Variants in VPS18 observed in about 807,000 individuals in gnomAD.
VPS18 encodes vacuolar protein sorting-associated protein 18 homolog.
A neutral mutation model predicts 82.0 loss-of-function variants in VPS18; 25 were observed. The ratio of observed to expected loss-of-function variants is 0.30; its 90% CI spans 0.22 to 0.43. VPS18 has a LOEUF of 0.43. Ranked by LOEUF, VPS18 falls within the 20% of genes least tolerant of loss-of-function variation. The pLI is 1.00. For synonymous variants in VPS18, 523 were observed against 543.0 expected (o/e 0.96, Z 0.51); for missense variants, 1,168 against 1,311.1 (o/e 0.89, Z 1.69).
In VPS18 at chr15:40,900,368, G is replaced by A. The variant is rs780922128; in HGVS notation, c.1550G>A (p.Arg517Gln). The change falls in exon 4 of 5, where the codon CGA (arginine) becomes CAA (glutamine). Residue 517 changes from arginine to glutamine, a missense_variant. Physicochemically the swap from Arg to Gln is conservative, Grantham distance 43 (BLOSUM62 1). Transcript: ENST00000220509. The surrounding 1 kb of genome is among the most constrained non-coding windows in gnomAD (Gnocchi z 5.4). ...QGDPEALTLY[R>Q]ETKECFRTFL... The stretch of plus-strand genomic sequence containing the variant: ...GACCCAGAGGCCCTGACTCTCTACC[G>A]AGAAACCAAGGAATGCTTTCGAACC... 3.1e-6 allele frequency: 5 copies of A among 1,613,416 alleles called. No individual in the cohort carries two copies. Among genetic ancestry groups the A allele is most frequent in the East Asian group, 2.2e-5 (1 of 44,892 alleles).
chr15:40,896,176 C>T, intron 2 of VPS18, 97 bp downstream of exon 2: 2 of 1,529,410 alleles, frequency 1.3e-6, no homozygotes, highest in Non-Finnish European at 1.8e-6. Context: ...GCAAGTAAAG[C>T]AGTGAATTTG....
chr15:40,900,431 C>T lies in VPS18; in HGVS notation c.1613C>T (p.Ala538Val). ...CCCCGCCACAAAGAGTGGCTCTTTG[C>T]CAGCCGGGCCTCTATCCATGAGCTG... ...SSPRHKEWLF[A>V]SRASIHELLA... The change falls in exon 4 of 5, where the codon GCC becomes GTC. Residue 538 changes from alanine (A) to valine (V), a missense_variant. Around this residue, in one of 3 missense-constraint regions of VPS18, gnomAD observed 868 missense variants for 939.8 expected, o/e 0.92. Transcript: ENST00000220509. This position sits in a 1 kb window ranked among gnomAD's most constrained non-coding sequence, Gnocchi z 5.4. 6.2e-7 allele frequency: 1 copy of T among 1,613,990 alleles called. No homozygotes were observed. Among genetic ancestry groups the T allele is most frequent in the Non-Finnish European group, 8.5e-7 (1 of 1,180,002 alleles).
rs1361634453 is a variant in VPS18 at position 40,903,092 on chromosome 15, G to A, written c.2673G>A (p.Lys891=). 6.2e-7 allele frequency: 1 copy of A among 1,613,460 alleles called. No homozygotes were observed. The highest frequency in any genetic ancestry group is 8.5e-7 in the Non-Finnish European group (1 of 1,179,578). The change falls in exon 5 of 5, where the codon AAG becomes AAA. Residue 891 remains lysine, a synonymous_variant. Transcript: ENST00000220509. ...QAVRPGLPAY[K]QARLEELQRK... is the part of the protein sequence containing the mutation. ...TGCGACCTGGCCTGCCAGCCTACAA[G>A]CAGGCCCGGCTGGAGGAGCTGCAGA...
chr15:40,897,050 C>G (rs565683796), intron 2 of VPS18, among the ~76,000 whole-genome samples: 2 of 152,074 alleles, frequency 1.3e-5, no homozygotes, highest in Admixed American at 1.3e-4. Flanking sequence ...AATCCCAGCA[C>G]TTTGGGAGGC....
At position 40,903,127 on chromosome 15, in the gene VPS18, G is replaced by A. The variant is rs779935389; in HGVS notation, c.2708G>A (p.Gly903Glu). Residue 903 changes from glycine to glutamate, a missense_variant, in exon 5 of 5, where the codon GGG (glycine) becomes GAG (glutamate). Coordinates refer to ENST00000220509, the MANE Select transcript of VPS18 (RefSeq NM_020857.3). ...CTGGAGGAGCTGCAGAGGAAGCTGG[G>A]GGCTGCTCCACCCCCAGCCAAGGGC... ...ARLEELQRKL[G>E]AAPPPAKGSA... 6.2e-7 allele frequency: 1 copy of A among 1,610,532 alleles called. No individual in the cohort carries two copies. Among genetic ancestry groups the A allele is most frequent in the South Asian group, 1.1e-5 (1 of 90,802 alleles).
Position 40,899,872 on chromosome 15 carries a change from C to G in VPS18, c.1054C>G (p.Gln352Glu). 1.2e-6 allele frequency: 2 copies of G among 1,609,096 alleles called. No individual in the cohort carries two copies. Among genetic ancestry groups the G allele is most frequent in the Non-Finnish European group, 1.7e-6 (2 of 1,180,008 alleles). Residue 352 changes from glutamine to glutamate, a missense_variant, in exon 4 of 5, where the codon CAG (glutamine) becomes GAG (glutamate). Physicochemically the swap from Gln to Glu is conservative, Grantham distance 29. This residue lies in a region of VPS18 where 868 missense variants were observed against 939.8 expected (regional missense o/e 0.92). Coordinates refer to ENST00000220509, the MANE Select transcript of VPS18 (RefSeq NM_020857.3). The surrounding 1 kb of genome is among the most constrained non-coding windows in gnomAD (Gnocchi z 4.4). Reference protein sequence around the residue: ...RVEAVCTLTGQVVLRDHFLEK... With the variant: ...RVEAVCTLTGEVVLRDHFLEK... ...GGAGGCAGTGTGCACACTGACCGGGCAGGTGGTGCTGCGGGATCACTTCCT... is the reference window on the plus strand; with the variant it reads ...GGAGGCAGTGTGCACACTGACCGGGGAGGTGGTGCTGCGGGATCACTTCCT...
chr15:40,894,556 G>C lies in VPS18; in HGVS notation c.-213G>C. The stretch of plus-strand genomic sequence containing the variant: ...GGGAGTAAGGTGCAAGACTGCGCCA[G>C]ATTCAAGGACGAGGGCTGCCCGATT... On this transcript the variant is annotated 5_prime_UTR_variant, in exon 1 of 5. Coordinates refer to ENST00000220509, the MANE Select transcript of VPS18 (RefSeq NM_020857.3). The C allele has an allele frequency of 2.0e-6, 1 of 488,582 alleles. No homozygotes were observed. The highest frequency in any genetic ancestry group is 3.6e-6 in the Non-Finnish European group (1 of 276,228). The allele number at this position is 488,582 out of a possible 1,614,324, so 30.3% of individuals were successfully genotyped here. A position where few individuals can be genotyped will look rare whatever the true frequency, so the allele number is the denominator to read the frequency against.
At chr15:40,898,670 G>T (rs1046983555) in intron 2 of VPS18, 5 of 548,040 alleles carry the variant, frequency 9.1e-6, no homozygotes, top group South Asian at 7.9e-5. Context: ...ATGGGATTTC[G>T]CCATGTTGCC....
In VPS18 at chr15:40,899,642, C is replaced by T. The variant is rs369399055; in HGVS notation, c.824C>T (p.Pro275Leu). The change falls in exon 4 of 5, where the codon CCC becomes CTC. Residue 275 changes from proline to leucine, a missense_variant. Physicochemically the swap from Pro to Leu is moderately conservative, Grantham distance 98. Coordinates refer to ENST00000220509, the MANE Select transcript of VPS18 (RefSeq NM_020857.3). This position sits in a 1 kb window ranked among gnomAD's most constrained non-coding sequence, Gnocchi z 4.4. ...TACAGTGAGTTGGCCTTCTACACCC[C>T]CAAGCTGCGCTCCGCACCCCGGGCC... is the stretch of plus-strand genomic sequence containing the variant. ...LGYSELAFYTPKLRSAPRAFA... is the reference protein window; with the variant it reads ...LGYSELAFYTLKLRSAPRAFA... 6.8e-6 allele frequency: 11 copies of T among 1,612,858 alleles called. No homozygotes were observed. The highest frequency in any genetic ancestry group is 1.6e-4 in the Middle Eastern group (1 of 6,062).
chr15:40,894,676 T>G lies in VPS18; in HGVS notation c.-93T>G, dbSNP rs1596172496. 1 of 1,263,996 alleles carries G rather than the reference T, an allele frequency of 7.9e-7. No individual in the cohort carries two copies. The highest frequency in any genetic ancestry group is 1.1e-6 in the Non-Finnish European group (1 of 931,590). 78.3% of individuals were successfully genotyped at this position (1,263,996 alleles called of 1,614,324 possible). A position where few individuals can be genotyped will look rare whatever the true frequency, so the allele number is the denominator to read the frequency against. The stretch of plus-strand genomic sequence containing the variant: ...CCAGGATCTGTCAGAGGCTGGGGAG[T>G]TACAGCTTCCATTCTGGGGCGACGG... On this transcript the variant is annotated 5_prime_UTR_variant, in exon 1 of 5. Transcript: ENST00000220509.
Position 40,900,651 on chromosome 15 carries a change from A to G in VPS18, c.1833A>G (p.Val611=). The change falls in exon 4 of 5, where the codon GTA becomes GTG. Residue 611 remains valine, a synonymous_variant. Coordinates refer to ENST00000220509, the MANE Select transcript of VPS18 (RefSeq NM_020857.3). This position sits in a 1 kb window ranked among gnomAD's most constrained non-coding sequence, Gnocchi z 5.4. ...TCCGTCACATCCCCCGCCAGCTTGT[A>G]GATGCCTGGATTGAGATGGGCAGCC... ...ILIRHIPRQL[V]DAWIEMGSRL... is the part of the protein sequence containing the mutation. The G allele has an allele frequency of 6.2e-7, 1 of 1,614,098 alleles. No individual in the cohort carries two copies. The highest frequency in any genetic ancestry group is 8.5e-7 in the Non-Finnish European group (1 of 1,180,034).
chr15:40,903,629 C>CGAGA lies in VPS18; in HGVS notation c.*288_*289insGAGA. 3.0e-6 allele frequency: 1 copy of CGAGA among 327,904 alleles called. No homozygotes were observed. Among genetic ancestry groups the CGAGA allele is most frequent in the South Asian group, 7.6e-5 (1 of 13,214 alleles). The allele number at this position is 327,904 out of a possible 1,614,324, so 20.3% of individuals were successfully genotyped here. ...AATCTGACCCAATTCCACCCCCTGC[C>CGAGA]TCTAGCACCTCTTCTGTCCCTGTCA... On this transcript the variant is annotated 3_prime_UTR_variant, in exon 5 of 5. Coordinates refer to ENST00000220509, the MANE Select transcript of VPS18 (RefSeq NM_020857.3).
Position 40,894,696 on chromosome 15 carries a change from C to A in VPS18, c.-73C>A. On this transcript the variant is annotated 5_prime_UTR_variant, in exon 1 of 5. Transcript: ENST00000220509. ...GGGAGTTACAGCTTCCATTCTGGGGCGACGGGGACCCCGGGGGGGTAGCCC... is the reference window on the plus strand; with the variant it reads ...GGGAGTTACAGCTTCCATTCTGGGGAGACGGGGACCCCGGGGGGGTAGCCC... The A allele has an allele frequency of 1.4e-6, 2 of 1,423,288 alleles. No individual in the cohort carries two copies. The highest frequency in any genetic ancestry group is 1.9e-6 in the Non-Finnish European group (2 of 1,065,470). 88.2% of individuals were successfully genotyped at this position (1,423,288 alleles called of 1,614,324 possible).
intron 2 of VPS18, among the ~76,000 whole-genome samples, chr15:40,896,437 C>T (rs1427989775): frequency 3.3e-5 from 5 of 150,764 alleles, no homozygotes; most frequent in East Asian, 1.9e-4. Flanking sequence ...CTGGGGAGGC[C>T]GAGGCAAGAG....
At chr15:40,901,137 A>G in intron 4 of VPS18, 123 bp downstream of exon 4, 2 of 1,005,176 alleles carry the variant, frequency 2.0e-6, no homozygotes, top group Non-Finnish European at 2.9e-6. Flanking sequence ...AGGGAAGGTT[A>G]AGAGCATGGA....
At chr15:40,896,695 C>G (rs1892235967) in intron 2 of VPS18, among the ~76,000 whole-genome samples, 1 of 151,784 alleles carries the variant, frequency 6.6e-6, no homozygotes, top group African/African-American at 2.4e-5. Flanking sequence ...CCTGTAATCT[C>G]AGCTACTGGG....
At chr15:40,898,158 T>G (rs980207089) in intron 2 of VPS18, among the ~76,000 whole-genome samples, 20 of 151,548 alleles carry the variant, frequency 1.3e-4, no homozygotes, top group South Asian at 4.2e-4. Context: ...AGTAGAGATG[T>G]GATTTCACCG....
In VPS18 at chr15:40,900,897, G is replaced by A. The variant is rs1162965831; in HGVS notation, c.2079G>A (p.Val693=). ...AGGCTGGGGCCAGCCCCCACCGGGTGCATTACGACCTCAAGTATGCGCTGC... is the reference window on the plus strand; with the variant it reads ...AGGCTGGGGCCAGCCCCCACCGGGTACATTACGACCTCAAGTATGCGCTGC... ...LEQAGASPHR[V]HYDLKYALRL... is the part of the protein sequence containing the mutation. The change falls in exon 4 of 5, where the codon GTG becomes GTA. Residue 693 remains valine, a synonymous_variant. Transcript: ENST00000220509. The surrounding 1 kb of genome is among the most constrained non-coding windows in gnomAD (Gnocchi z 5.4). 6 of 1,613,928 alleles carry A rather than the reference G, an allele frequency of 3.7e-6. No homozygotes were observed. The highest frequency in any genetic ancestry group is 1.3e-5 in the African/African-American group (1 of 74,940).
At chr15:40,895,448 G>A (rs940717063) in intron 1 of VPS18, among the ~76,000 whole-genome samples, 2 of 152,132 alleles carry the variant, frequency 1.3e-5, no homozygotes, top group Admixed American at 1.3e-4. Flanking sequence ...TGGAGTTAAC[G>A]AATTGGAGCT....
Sources: allele counts gnomAD v4.1 joint callset (sites outside exome capture counted in the v4.1 genomes callset), GRCh38; gene constraint gnomAD v4.1.1; regional missense constraint gnomAD v4.1.1; non-coding constraint Gnocchi (gnomAD v3.1); transcripts MANE v1.5; gene names NCBI Gene and HGNC (gene_info 2026-07-23, HGNC 2026-07-21).